CLSTN2: variants seen among roughly 807,000 people sequenced by gnomAD.
CLSTN2 encodes the protein calsyntenin 2.
Under a neutral mutation model 101.2 loss-of-function variants are expected in CLSTN2, and 48 were observed. The ratio of observed to expected loss-of-function variants is 0.47; its 90% CI spans 0.38 to 0.60. The LOEUF is 0.60. CLSTN2 is among the 20% of genes least tolerant of loss of function. CLSTN2 has a pLI of 0.00. For missense variants in CLSTN2, 1,160 were observed against 1,238.2 expected (o/e 0.94, Z 0.95); for synonymous variants, 481 against 463.6 (o/e 1.04, Z -0.48).
intron 9 of CLSTN2, among the ~76,000 whole-genome samples, chr3:140,540,774 G>A (rs945545380): frequency 1.3e-5 from 2 of 152,108 alleles, no homozygotes; most frequent in African/African-American, 2.4e-5. Flanking sequence ...ACATAGATGC[G>A]TGCATATTTT....
intron 2 of CLSTN2, among the ~76,000 whole-genome samples, chr3:140,394,035 G>A (rs1488138503): frequency 6.6e-6 from 1 of 152,156 alleles, no homozygotes; most frequent in Non-Finnish European, 1.5e-5. Flanking sequence ...AAGGGAAAGG[G>A]CACAACAGCA....
At chr3:140,096,635 A>G (rs1335018964) in intron 1 of CLSTN2, among the ~76,000 whole-genome samples, 1 of 152,208 alleles carries the variant, frequency 6.6e-6, no homozygotes, top group Non-Finnish European at 1.5e-5. Flanking sequence ...TTAGCTGGTC[A>G]TGTGCTTCAC....
At chr3:140,429,164 A>G (rs1315030809) in intron 5 of CLSTN2, among the ~76,000 whole-genome samples, 1 of 152,174 alleles carries the variant, frequency 6.6e-6, no homozygotes, top group Admixed American at 6.5e-5. Context: ...TGTGAGAGAC[A>G]CTGAAATTGA....
In CLSTN2 at chr3:140,234,729, T is replaced by C. The variant is rs531220456; in HGVS notation, c.232+58656T>C. ...TACGTGAGAAGATCAGAACTGTGGC[T>C]CTACGTGTTTCACTTGCTCTGATGT... On this transcript the variant is annotated intron_variant, in intron 2 of 16. Transcript: ENST00000458420. Among the ~76,000 whole-genome samples the C allele has an allele frequency of 3.6e-3, 542 of 152,310 alleles. 2 individuals carry two copies. The highest frequency in any genetic ancestry group is 6.8e-3 in the Middle Eastern group (2 of 294).
At chr3:140,305,220 G>C (rs977114349) in intron 2 of CLSTN2, among the ~76,000 whole-genome samples, 5 of 151,980 alleles carry the variant, frequency 3.3e-5, no homozygotes, top group Non-Finnish European at 5.9e-5. Context: ...GGGCCAGAAA[G>C]GGCTCCATTT....
At chr3:140,119,813 T>C (rs4417826) in intron 1 of CLSTN2, among the ~76,000 whole-genome samples, 24,080 of 152,178 alleles carry the variant, frequency 0.16, 2,143 homozygotes, top group East Asian at 0.38. Context: ...CAGTAGGGCA[T>C]CTTATTGTCT....
chr3:140,494,344 G>C (rs931410502), intron 8 of CLSTN2, among the ~76,000 whole-genome samples: 1 of 152,192 alleles, frequency 6.6e-6, no homozygotes, highest in Non-Finnish European at 1.5e-5. Context: ...GACTGTGAGA[G>C]GTAAGAGAAT....
In CLSTN2 at chr3:140,125,476, A is replaced by C. The variant is rs4308236; in HGVS notation, c.110-50475A>C. Among the ~76,000 whole-genome samples, 5 of 151,932 alleles carry C rather than the reference A, an allele frequency of 3.3e-5. No homozygotes were observed. In the East Asian group the frequency reaches 9.7e-4, roughly 29 times the overall value. On this transcript the variant is annotated intron_variant, in intron 1 of 16. Transcript: ENST00000458420. ...GGCAGAGTACATGAGAGCAGATACC[A>C]GTGAGTTGGAGACAGGAATATGAGG...
intron 2 of CLSTN2, among the ~76,000 whole-genome samples, chr3:140,266,186 T>G (rs1182745109): frequency 6.6e-6 from 1 of 152,164 alleles, no homozygotes. Flanking sequence ...GTGATTACCC[T>G]GATGGCTGGA....
In CLSTN2 at chr3:139,935,455, C is replaced by A. The variant is rs1482618526; in HGVS notation, c.81C>A (p.Ser27Arg). The A allele has an allele frequency of 3.1e-5, 38 of 1,231,002 alleles. No individual in the cohort carries two copies. Among genetic ancestry groups the A allele is most frequent in the Non-Finnish European group, 3.6e-5 (36 of 987,034 alleles). 76.3% of individuals were successfully genotyped at this position (1,231,002 alleles called of 1,614,324 possible). The change falls in exon 1 of 17, where the codon AGC becomes AGA. Residue 27 changes from serine (S) to arginine (R), a missense_variant. Coordinates refer to ENST00000458420, the MANE Select transcript of CLSTN2 (RefSeq NM_022131.3). This position sits in a 1 kb window ranked among gnomAD's most constrained non-coding sequence, Gnocchi z 5.5. ...GCGGCAGCGGCGGTGGCGGGGACAG[C>A]CGGCAGCGCCGCCTCCTCGCGGCTA... is the stretch of plus-strand genomic sequence containing the variant. ...VGSGSGGGGD[S>R]RQRRLLAAKV...
chr3:140,392,645 CAT>C (rs2088128759), intron 2 of CLSTN2, among the ~76,000 whole-genome samples: 1 of 151,946 alleles, frequency 6.6e-6, no homozygotes. Flanking sequence ...AGAGTGCAGA[CAT>C]AGAATATTAA....
At position 140,197,551 on chromosome 3, in the gene CLSTN2, T is replaced by C. The variant is rs115813843; in HGVS notation, c.232+21478T>C. Among the ~76,000 whole-genome samples the C allele has an allele frequency of 6.1e-3, 929 of 152,276 alleles. 14 individuals carry two copies. The highest frequency in any genetic ancestry group is 5.9e-3 in the Non-Finnish European group (401 of 68,008). ...GGTAAATGTTAGAGTGCAGTTCACATAGATGGGCATTACTCGTTCTGATCG... is the reference window on the plus strand; with the variant it reads ...GGTAAATGTTAGAGTGCAGTTCACACAGATGGGCATTACTCGTTCTGATCG... On this transcript the variant is annotated intron_variant, in intron 2 of 16. Coordinates refer to ENST00000458420, the MANE Select transcript of CLSTN2 (RefSeq NM_022131.3).
At chr3:140,326,934 C>T (rs1170039882) in intron 2 of CLSTN2, among the ~76,000 whole-genome samples, 2 of 152,134 alleles carry the variant, frequency 1.3e-5, no homozygotes, top group East Asian at 3.8e-4. Context: ...TTTTATCCAT[C>T]ATTGCTAAGA....
intron 8 of CLSTN2, among the ~76,000 whole-genome samples, chr3:140,489,568 G>A (rs775072604): frequency 2.0e-5 from 3 of 152,108 alleles, no homozygotes; most frequent in Non-Finnish European, 2.9e-5. Flanking sequence ...CCTGGGGGTA[G>A]TGGAAGGCTT....
chr3:140,286,532 G>A (rs1267307560), intron 2 of CLSTN2, among the ~76,000 whole-genome samples: 5 of 152,138 alleles, frequency 3.3e-5, no homozygotes, highest in Non-Finnish European at 7.4e-5. Flanking sequence ...AGTTATATAT[G>A]TATATTCTTT....
intron 2 of CLSTN2, among the ~76,000 whole-genome samples, chr3:140,190,621 A>G (rs1176168106): frequency 2.0e-5 from 3 of 152,016 alleles, no homozygotes; most frequent in Non-Finnish European, 2.9e-5. Context: ...ATTTAAATAT[A>G]TATTCCTGCA....
At chr3:140,326,977 G>GA (rs1198422797) in intron 2 of CLSTN2, among the ~76,000 whole-genome samples, 1 of 151,766 alleles carries the variant, frequency 6.6e-6, no homozygotes, top group African/African-American at 2.4e-5. Flanking sequence ...AAGAATAACT[G>GA]AAAAAAAGCA....
At chr3:140,016,079 G>A (rs975352594) in intron 1 of CLSTN2, among the ~76,000 whole-genome samples, 9 of 152,240 alleles carry the variant, frequency 5.9e-5, no homozygotes, top group Admixed American at 4.6e-4. Flanking sequence ...CTGTTACACA[G>A]GTGCAGAAAT....
chr3:140,335,115 G>A (rs1432493725), intron 2 of CLSTN2, among the ~76,000 whole-genome samples: 2 of 152,268 alleles, frequency 1.3e-5, no homozygotes, highest in African/African-American at 4.8e-5. Flanking sequence ...TCAAAAGCTG[G>A]AGAATCTTCA....
Sources: allele counts gnomAD v4.1 joint callset (sites outside exome capture counted in the v4.1 genomes callset), GRCh38; gene constraint gnomAD v4.1.1; non-coding constraint Gnocchi (gnomAD v3.1); transcripts MANE v1.5; gene names NCBI Gene and HGNC (gene_info 2026-07-23, HGNC 2026-07-21).